ZNF480: variants seen among roughly 807,000 people sequenced by gnomAD.
ZNF480 encodes zinc finger protein 480.
In ZNF480, 15 loss-of-function variants were observed where a neutral mutation model predicts 14.4. The observed-to-expected ratio is 1.04, with a 90% confidence interval of 0.70 to 1.60. ZNF480 has a LOEUF of 1.60. ZNF480 is among the 40% of genes most tolerant of loss of function. ZNF480 has a pLI of 0.00. For synonymous variants in ZNF480, 218 were observed against 215.5 expected, an observed-to-expected ratio of 1.01 and a Z score of -0.10; for missense variants, 593 against 629.7, an observed-to-expected ratio of 0.94 and a Z score of 0.62.
intron 4 of ZNF480, among the ~76,000 whole-genome samples, chr19:52,319,474 G>C (rs1983705457): frequency 6.6e-6 from 1 of 152,072 alleles, no homozygotes; most frequent in Non-Finnish European, 1.5e-5. Flanking sequence ...CCTCTAAATG[G>C]CAAATATCTT....
intron 2 of ZNF480, among the ~76,000 whole-genome samples, chr19:52,305,839 C>T (rs769567357): frequency 2.6e-5 from 4 of 152,166 alleles, no homozygotes; most frequent in Non-Finnish European, 2.9e-5. Context: ...TTCCTGAAAT[C>T]GGGTTCCCAT....
chr19:52,301,202 GACAA>G (rs1321464122), intron 2 of ZNF480: 2 of 152,532 alleles, frequency 1.3e-5, no homozygotes, highest in African/African-American at 4.8e-5. Context: ...GCTACACAAA[GACAA>G]ACAACACAGA....
chr19:52,322,149 C>A lies in ZNF480; in HGVS notation c.899C>A (p.Ser300Tyr). 1 of 1,613,942 alleles carries A rather than the reference C, an allele frequency of 6.2e-7. No individual in the cohort carries two copies. Among genetic ancestry groups the A allele is most frequent in the Non-Finnish European group, 8.5e-7 (1 of 1,179,984 alleles). The part of the protein sequence containing the change: ...NECGKVFSNN[S>Y]YLARHQRIHA... ...TGTGGTAAAGTCTTCAGTAATAATT[C>A]TTACCTTGCACGACATCAAAGAATT... is the stretch of plus-strand genomic sequence containing the variant. The change falls in exon 5 of 5, where the codon TCT becomes TAT. Residue 300 changes from serine to tyrosine, a missense_variant. Ser to Tyr is a moderately radical substitution (Grantham distance 144). Transcript: ENST00000595962.
At chr19:52,298,099 G>A (rs1982498563) in intron 1 of ZNF480, among the ~76,000 whole-genome samples, 1 of 151,894 alleles carries the variant, frequency 6.6e-6, no homozygotes, top group Non-Finnish European at 1.5e-5. Flanking sequence ...AGTGAGAGGG[G>A]CAGCAAAGTG....
chr19:52,300,586 A>G, intron 2 of ZNF480, 102 bp downstream of exon 2: 1 of 1,580,786 alleles, frequency 6.3e-7, no homozygotes, highest in Non-Finnish European at 8.6e-7. Flanking sequence ...CCTGCCTGAC[A>G]GGTTTGCTCA....
At chr19:52,320,988 TA>T in intron 4 of ZNF480, among the ~76,000 whole-genome samples, 1 of 152,114 alleles carries the variant, frequency 6.6e-6, no homozygotes, top group South Asian at 2.1e-4. Context: ...AATAAATAAA[TA>T]AATAAATATT....
chr19:52,299,558 T>C (rs1419328900), intron 1 of ZNF480, among the ~76,000 whole-genome samples: 1 of 152,172 alleles, frequency 6.6e-6, no homozygotes, highest in East Asian at 1.9e-4. Flanking sequence ...TTCACAGAAC[T>C]CAAGGAAGCA....
At chr19:52,298,285 G>T (rs1355798687) in intron 1 of ZNF480, among the ~76,000 whole-genome samples, 1 of 151,898 alleles carries the variant, frequency 6.6e-6, no homozygotes, top group Non-Finnish European at 1.5e-5. Flanking sequence ...GGACAAGGGG[G>T]TGTAACAGAA....
intron 4 of ZNF480, 32 bp downstream of exon 4, chr19:52,315,994 T>A (rs1983534658): frequency 6.5e-7 from 1 of 1,533,100 alleles, no homozygotes; most frequent in East Asian, 2.3e-5. Context: ...GTGGAAGCCA[T>A]GCTGTTGTTT....
At chr19:52,311,672 G>T (rs939134099) in intron 2 of ZNF480, among the ~76,000 whole-genome samples, 1 of 152,066 alleles carries the variant, frequency 6.6e-6, no homozygotes, top group African/African-American at 2.4e-5. Context: ...TGGGTGCAGT[G>T]GTACAAACCT....
Position 52,321,824 on chromosome 19 carries a change from C to T in ZNF480, c.574C>T (p.Gln192Ter), listed in dbSNP as rs932158669. The T allele has an allele frequency of 1.9e-6, 3 of 1,613,872 alleles. No individual in the cohort carries two copies. The highest frequency in any genetic ancestry group is 4.5e-5 in the East Asian group (2 of 44,878). The change falls in exon 5 of 5, where the codon CAA (glutamine) becomes TAA (stop). Residue 192 changes from glutamine to a stop codon, truncating the protein, a stop_gained. Transcript: ENST00000595962. LOFTEE classifies it low-confidence loss of function (END_TRUNC). Reference protein sequence around the residue: ...NDFDDSSFLPQEQKVHLREKP... With the variant: ...NDFDDSSFLP ...TTTTGATGATTCTTCATTTCTCCCA[C>T]AAGAACAGAAAGTACACCTTAGAGA...
At chr19:52,319,445 A>G (rs1433105021) in intron 4 of ZNF480, among the ~76,000 whole-genome samples, 1 of 152,188 alleles carries the variant, frequency 6.6e-6, no homozygotes, top group African/African-American at 2.4e-5. Context: ...TGGAGAAAGT[A>G]CATAGTCTTA....
chr19:52,315,209 G>A (rs150552651), intron 3 of ZNF480, among the ~76,000 whole-genome samples: 3 of 151,920 alleles, frequency 2.0e-5, no homozygotes, highest in Non-Finnish European at 2.9e-5. Flanking sequence ...TCAGCCTCCC[G>A]AAGTGCTGGG....
Position 52,325,598 on chromosome 19 carries a change from C to G in ZNF480, c.*2740C>G, listed in dbSNP as rs1382856303. The G allele has an allele frequency of 6.6e-6, 1 of 152,170 alleles. No homozygotes were observed. Among genetic ancestry groups the G allele is most frequent in the African/African-American group, 2.4e-5 (1 of 41,446 alleles). The allele number at this position is 152,170 out of a possible 1,614,324, so 9.4% of individuals were successfully genotyped here. On this transcript the variant is annotated 3_prime_UTR_variant, in exon 5 of 5. Transcript: ENST00000595962. Reference sequence around the variant, plus strand: ...AATACTATGCAGCCATAAAAAAGAACAAGACTGTGTCCTTTACAGCAACAT... The same window carrying G: ...AATACTATGCAGCCATAAAAAAGAAGAAGACTGTGTCCTTTACAGCAACAT...
Position 52,322,374 on chromosome 19 carries a change from A to C in ZNF480, c.1124A>C (p.Glu375Ala). 1 of 1,614,014 alleles carries C rather than the reference A, an allele frequency of 6.2e-7. No individual in the cohort carries two copies. Among genetic ancestry groups the C allele is most frequent in the Non-Finnish European group, 8.5e-7 (1 of 1,179,988 alleles). The change falls in exon 5 of 5, where the codon GAA becomes GCA. Residue 375 changes from glutamate (E) to alanine (A), a missense_variant. Physicochemically the swap from Glu to Ala is moderately radical, Grantham distance 107 (BLOSUM62 -1). Coordinates refer to ENST00000595962, the MANE Select transcript of ZNF480 (RefSeq NM_144684.4). ...GGAGAGAAACCTTACAAATGTAATG[A>C]ATGTGGAAAGGTCTTTATTCAAAAT... ...HTGEKPYKCN[E>A]CGKVFIQNSH...
At position 52,322,101 on chromosome 19, in the gene ZNF480, A is replaced by G. The variant is rs1326211421; in HGVS notation, c.851A>G (p.Glu284Gly). The part of the protein sequence containing the change: ...FARHQRIHTR[E>G]KPYECNECGK... ...CGACATCAAAGAATTCATACCAGAG[A>G]GAAGCCGTATGAATGTAATGAATGT... The change falls in exon 5 of 5, where the codon GAG becomes GGG. Residue 284 changes from glutamate to glycine, a missense_variant. Transcript: ENST00000595962. The G allele has an allele frequency of 6.2e-7, 1 of 1,613,986 alleles. No homozygotes were observed. The highest frequency in any genetic ancestry group is 1.1e-5 in the South Asian group (1 of 91,078).
intron 2 of ZNF480, 35 bp downstream of exon 2, chr19:52,300,519 CT>C: frequency 6.2e-7 from 1 of 1,606,720 alleles, no homozygotes. Flanking sequence ...GTTCTGTCTC[CT>C]TTCTTTCAGA....
chr19:52,322,561 T>A lies in ZNF480; in HGVS notation c.1311T>A (p.Ser437Arg), dbSNP rs1402439104. Residue 437 changes from serine to arginine, a missense_variant, in exon 5 of 5, where the codon AGT becomes AGA. Physicochemically the swap from Ser to Arg is moderately radical, Grantham distance 110. Transcript: ENST00000595962. ...YKCNECGKAF[S>R]EYSGLSAHLV... Reference sequence around the variant, plus strand: ...GTAATGAATGTGGTAAAGCATTTAGTGAGTATTCAGGCCTTTCAGCCCATC... The same window carrying A: ...GTAATGAATGTGGTAAAGCATTTAGAGAGTATTCAGGCCTTTCAGCCCATC... 4 of 1,614,032 alleles carry A rather than the reference T, an allele frequency of 2.5e-6. No individual in the cohort carries two copies. Among genetic ancestry groups the A allele is most frequent in the South Asian group, 2.2e-5 (2 of 91,074 alleles).
In ZNF480 at chr19:52,300,635, G is replaced by T. The variant is rs548868176; in HGVS notation, c.72+151G>T. On this transcript the variant is annotated intron_variant, in intron 2 of 4. Coordinates refer to ENST00000595962, the MANE Select transcript of ZNF480 (RefSeq NM_144684.4). ...CTTCCCTCAGTGCCGAGACCAGCTT[G>T]GTCGTGGGGACCCTAACCTAGTGGC... is the stretch of plus-strand genomic sequence containing the variant. The T allele has an allele frequency of 2.4e-5, 33 of 1,366,094 alleles. No homozygotes were observed. In the East Asian group the frequency reaches 3.0e-4, roughly 12 times the overall value. 84.6% of individuals were successfully genotyped at this position (1,366,094 alleles called of 1,614,324 possible).
Sources: gnomAD v4.1 joint callset for allele counts (sites outside exome capture counted in the v4.1 genomes callset) on GRCh38, gnomAD v4.1.1 for gene constraint, MANE v1.5 for transcripts, NCBI Gene and HGNC (gene_info 2026-07-23, HGNC 2026-07-21) for gene names.